The following BRINP3 variants were observed in gnomAD, a reference collection of about 807,000 sequenced individuals.
BRINP3 encodes BMP/retinoic acid-inducible neural-specific protein 3.
In BRINP3, 19 loss-of-function variants were observed where a neutral mutation model predicts 71.0. The observed-to-expected ratio is 0.27, with a 90% CI of 0.19 to 0.39. The LOEUF is 0.39. Among genes scored for constraint, BRINP3 ranks in the 10% least tolerant of loss-of-function variants. BRINP3 has a pLI of 1.00. For synonymous variants in BRINP3, 380 were observed against 337.7 expected, an observed-to-expected ratio of 1.13 and a Z score of -1.37; for missense variants, 959 against 940.8, an observed-to-expected ratio of 1.02 and a Z score of -0.25.
intron 6 of BRINP3, among the ~76,000 whole-genome samples, chr1:190,208,090 G>A (rs1185050158): frequency 2.0e-5 from 3 of 151,964 alleles, no homozygotes; most frequent in Non-Finnish European, 4.4e-5. Flanking sequence ...TAGGACTACA[G>A]GTAAGCACTA....
At chr1:190,285,612 T>C (rs533214755) in intron 2 of BRINP3, among the ~76,000 whole-genome samples, 9 of 152,200 alleles carry the variant, frequency 5.9e-5, no homozygotes, top group African/African-American at 2.2e-4. Context: ...TTTCTAGTAG[T>C]ATAATCTAGT....
At chr1:190,377,064 T>C (rs1417636993) in intron 2 of BRINP3, among the ~76,000 whole-genome samples, 3 of 152,016 alleles carry the variant, frequency 2.0e-5, no homozygotes, top group African/African-American at 7.2e-5. Context: ...AAGTTCTAAA[T>C]TTTTAATATA....
rs143238707 is a variant in BRINP3, at chr1:190,402,781, G to A, written c.236+51874C>T. On this transcript the variant is annotated intron_variant, in intron 2 of 7. Transcript: ENST00000367462. ...AGGTCTCATTCTGTCCCCCAGGCTG[G>A]AGTGCCATGGTGCCATCATGGCTCC... Among the ~76,000 whole-genome samples, 158 of 152,144 alleles carry A rather than the reference G, an allele frequency of 1.0e-3. 1 individual carries two copies. Among genetic ancestry groups the A allele is most frequent in the African/African-American group, 3.3e-3 (139 of 41,516 alleles).
At chr1:190,292,515 G>C (rs1663946556) in intron 2 of BRINP3, among the ~76,000 whole-genome samples, 1 of 152,028 alleles carries the variant, frequency 6.6e-6, no homozygotes, top group African/African-American at 2.4e-5. Flanking sequence ...TACTCTGGTG[G>C]CATTTGCCTG....
intron 6 of BRINP3, among the ~76,000 whole-genome samples, chr1:190,222,902 C>T (rs756454230): frequency 6.6e-6 from 1 of 151,442 alleles, no homozygotes; most frequent in African/African-American, 2.4e-5. Context: ...AACTGCATGC[C>T]AACAAATTGG....
chr1:190,464,602 A>C (rs1676616348), intron 1 of BRINP3, among the ~76,000 whole-genome samples: 1 of 151,996 alleles, frequency 6.6e-6, no homozygotes, highest in South Asian at 2.1e-4. Flanking sequence ...AACTTTATAA[A>C]GAATAAATAT....
intron 1 of BRINP3, among the ~76,000 whole-genome samples, chr1:190,476,808 A>G (rs1277444139): frequency 6.6e-6 from 1 of 152,210 alleles, no homozygotes; most frequent in Non-Finnish European, 1.5e-5. Context: ...TGCCTGAATT[A>G]AAATACAATG....
intron 2 of BRINP3, among the ~76,000 whole-genome samples, chr1:190,299,741 G>A (rs1295733383): frequency 6.6e-6 from 1 of 151,738 alleles, no homozygotes; most frequent in African/African-American, 2.4e-5. Flanking sequence ...TTTAGGGCAG[G>A]CCTGGTGGTG....
chr1:190,445,807 A>T (rs937887767), intron 2 of BRINP3, among the ~76,000 whole-genome samples: 1 of 152,238 alleles, frequency 6.6e-6, no homozygotes, highest in African/African-American at 2.4e-5. Flanking sequence ...AAAATGAAGA[A>T]TTAGAGTGCT....
intron 2 of BRINP3, among the ~76,000 whole-genome samples, chr1:190,446,607 T>C (rs1210062270): frequency 6.6e-6 from 1 of 152,138 alleles, no homozygotes; most frequent in Non-Finnish European, 1.5e-5. Flanking sequence ...CAGTACATTT[T>C]TGTTTTAATG....
At chr1:190,472,520 C>T (rs895716960) in intron 1 of BRINP3, among the ~76,000 whole-genome samples, 9 of 151,558 alleles carry the variant, frequency 5.9e-5, no homozygotes, top group African/African-American at 2.2e-4. Context: ...TTCCAATTTG[C>T]GTCTGAACTC....
At chr1:190,398,901 C>G (rs537082596) in intron 2 of BRINP3, among the ~76,000 whole-genome samples, 3 of 151,926 alleles carry the variant, frequency 2.0e-5, no homozygotes, top group African/African-American at 7.2e-5. Context: ...TTTTAAGAAG[C>G]TTTTTTGATC....
intron 2 of BRINP3, among the ~76,000 whole-genome samples, chr1:190,338,970 TC>T (rs1050814752): frequency 2.0e-5 from 3 of 150,374 alleles, no homozygotes; most frequent in African/African-American, 7.3e-5. Flanking sequence ...AGTTTGCTTT[TC>T]CCCCACAGGC....
At chr1:190,219,791 T>A (rs1415885778) in intron 6 of BRINP3, among the ~76,000 whole-genome samples, 2 of 150,600 alleles carry the variant, frequency 1.3e-5, no homozygotes, top group Non-Finnish European at 3.0e-5. Context: ...TGAGCCAAGA[T>A]CTCACCACTG....
At chr1:190,215,326 A>C (rs576435841) in intron 6 of BRINP3, among the ~76,000 whole-genome samples, 39 of 152,026 alleles carry the variant, frequency 2.6e-4, no homozygotes, top group East Asian at 1.2e-3. Context: ...TTTACTCCCC[A>C]AAAATATGGG....
intron 2 of BRINP3, among the ~76,000 whole-genome samples, chr1:190,426,496 T>C (rs535733177): frequency 1.3e-5 from 2 of 151,962 alleles, no homozygotes; most frequent in Admixed American, 1.3e-4. Context: ...AAATTCCAAA[T>C]CCAAAATGCT....
At chr1:190,365,363 C>T (rs1436756896) in intron 2 of BRINP3, among the ~76,000 whole-genome samples, 1 of 151,794 alleles carries the variant, frequency 6.6e-6, no homozygotes, top group African/African-American at 2.4e-5. Flanking sequence ...TTACTACATT[C>T]TATGCCTTTA....
chr1:190,133,587 CA>C (rs1654723193), intron 7 of BRINP3, among the ~76,000 whole-genome samples: 4 of 151,964 alleles, frequency 2.6e-5, no homozygotes, highest in African/African-American at 9.6e-5. Context: ...TATTCTACAG[CA>C]ATTAAACATC....
At chr1:190,214,668 G>A (rs1343062299) in intron 6 of BRINP3, among the ~76,000 whole-genome samples, 2 of 151,902 alleles carry the variant, frequency 1.3e-5, no homozygotes, top group East Asian at 1.9e-4. Flanking sequence ...TTCTGCCATC[G>A]TGATCACTTT....
Sources: gnomAD v4.1 joint callset for allele counts (sites outside exome capture counted in the v4.1 genomes callset) on GRCh38, gnomAD v4.1.1 for gene constraint, MANE v1.5 for transcripts, NCBI Gene and HGNC (gene_info 2026-07-23, HGNC 2026-07-21) for gene names.